The following ZFPM2 variants were observed in gnomAD, a reference collection of about 807,000 sequenced individuals.
The protein encoded by ZFPM2 is zinc finger protein, FOG family member 2, also known as zinc finger protein ZFPM2.
In ZFPM2, 20 loss-of-function variants were observed where a neutral mutation model predicts 98.6. The observed-to-expected ratio is 0.20, with a 90% CI of 0.14 to 0.29. The LOEUF (loss-of-function observed/expected upper bound fraction) is 0.29. Among genes scored for constraint, ZFPM2 ranks in the 10% least tolerant of loss-of-function variants. ZFPM2 has a pLI of 1.00. For missense variants in ZFPM2, 1,310 were observed against 1,388.6 expected (o/e 0.94, Z 0.90); for synonymous variants, 518 against 502.7 (o/e 1.03, Z -0.41).
In ZFPM2 at chr8:105,441,452, G is replaced by GAGAAAGAAAGAAAGAA. The variant is rs34216988; in HGVS notation, c.200-2794_200-2779dup. ...AGAAAGAAAGAGAGAGAGAGAGAGA[G>GAGAAAGAAAGAAAGAA]AGAAAGAAAGAAAGAAAGAAAGAAA... is the stretch of plus-strand genomic sequence containing the variant. On this transcript the variant is annotated intron_variant, in intron 2 of 7. Coordinates refer to ENST00000407775, the MANE Select transcript of ZFPM2 (RefSeq NM_012082.4). Among the ~76,000 whole-genome samples, 61 of 38,954 alleles carry GAGAAAGAAAGAAAGAA rather than the reference G, an allele frequency of 1.6e-3. 2 individuals are homozygous for GAGAAAGAAAGAAAGAA. The highest frequency in any genetic ancestry group is 3.1e-3 in the South Asian group (3 of 968). 25.6% of individuals were successfully genotyped at this position (38,954 alleles called of 152,430 possible).
chr8:105,665,635 A>G (rs2130894343), intron 5 of ZFPM2, among the ~76,000 whole-genome samples: 1 of 152,334 alleles, frequency 6.6e-6, no homozygotes, highest in Admixed American at 6.5e-5. Flanking sequence ...AACTCATTTT[A>G]GGTTTTGTTT....
chr8:105,680,339 T>C (rs1343439413), intron 5 of ZFPM2, among the ~76,000 whole-genome samples: 1 of 152,158 alleles, frequency 6.6e-6, no homozygotes, highest in Non-Finnish European at 1.5e-5. Context: ...ATGTAAACAG[T>C]GAAACAGAAG....
chr8:105,499,212 C>A (rs532008968), intron 3 of ZFPM2, among the ~76,000 whole-genome samples: 1 of 148,750 alleles, frequency 6.7e-6, no homozygotes, highest in Admixed American at 6.7e-5. Context: ...ACAATTCAGG[C>A]AATGCGACGT....
At chr8:105,752,357 A>C (rs1203087998) in intron 5 of ZFPM2, among the ~76,000 whole-genome samples, 1 of 152,150 alleles carries the variant, frequency 6.6e-6, no homozygotes, top group African/African-American at 2.4e-5. Flanking sequence ...TCTGCTCAGC[A>C]CAGACTTTCC....
In ZFPM2 at chr8:105,340,926, A is replaced by G. The variant is rs1254178434; in HGVS notation, c.40+21945A>G. Among the ~76,000 whole-genome samples, 5 of 151,946 alleles carry G rather than the reference A, an allele frequency of 3.3e-5. No individual in the cohort carries two copies. In the East Asian group the frequency reaches 5.8e-4, roughly 18 times the overall value. On this transcript the variant is annotated intron_variant, in intron 1 of 7. Transcript: ENST00000407775. Reference sequence around the variant, plus strand: ...CCTGACAATGATCTGTTAGACACAAATTTCCTAGACTTAATGCTGTTGATG... The same window carrying G: ...CCTGACAATGATCTGTTAGACACAAGTTTCCTAGACTTAATGCTGTTGATG...
intron 1 of ZFPM2, among the ~76,000 whole-genome samples, chr8:105,362,178 A>C (rs576874588): frequency 6.6e-6 from 1 of 152,238 alleles, no homozygotes; most frequent in Admixed American, 6.5e-5. Flanking sequence ...AGACTCAATT[A>C]TAACTTTCAA....
intron 5 of ZFPM2, among the ~76,000 whole-genome samples, chr8:105,721,497 T>C (rs1440352808): frequency 6.6e-6 from 1 of 151,958 alleles, no homozygotes; most frequent in Non-Finnish European, 1.5e-5. Flanking sequence ...ACAGATTATA[T>C]TAATATCAAA....
intron 2 of ZFPM2, among the ~76,000 whole-genome samples, chr8:105,438,092 A>T (rs969851880): frequency 6.6e-6 from 1 of 152,166 alleles, no homozygotes; most frequent in African/African-American, 2.4e-5. Context: ...GTTTCTAGTC[A>T]TGTAGCCTCA....
intron 1 of ZFPM2, among the ~76,000 whole-genome samples, chr8:105,341,452 T>A (rs924818552): frequency 1.3e-5 from 2 of 151,806 alleles, no homozygotes; most frequent in Non-Finnish European, 2.9e-5. Context: ...ACAATAACAT[T>A]AAAAATATAT....
At chr8:105,443,333 A>AAAAAAAAAAAAAC (rs1812304223) in intron 2 of ZFPM2, among the ~76,000 whole-genome samples, 1 of 151,022 alleles carries the variant, frequency 6.6e-6, no homozygotes. Context: ...AAACAAAAAA[A>AAAAAAAAAAAAAC]AAAAAACTTG....
intron 3 of ZFPM2, among the ~76,000 whole-genome samples, chr8:105,525,903 A>G (rs1814164752): frequency 6.6e-6 from 1 of 152,208 alleles, no homozygotes; most frequent in South Asian, 2.1e-4. Flanking sequence ...TGGTCAGTTT[A>G]CAATGGTATT....
intron 5 of ZFPM2, among the ~76,000 whole-genome samples, chr8:105,706,964 G>A (rs1416953312): frequency 6.6e-6 from 1 of 150,872 alleles, no homozygotes; most frequent in Non-Finnish European, 1.5e-5. Flanking sequence ...ATTTAGGCTG[G>A]GTGTGGTGGC....
Position 105,330,169 on chromosome 8 carries a change from A to AG in ZFPM2, c.40+11189dup, listed in dbSNP as rs577514464. On this transcript the variant is annotated intron_variant, in intron 1 of 7. Transcript: ENST00000407775. ...ACTGTGACAGAATTGGAATTTGGAC[A>AG]GCCTGCATTTGAATTTAGATTTAGG... Among the ~76,000 whole-genome samples, 581 of 151,746 alleles carry AG rather than the reference A, an allele frequency of 3.8e-3. 4 individuals are homozygous for AG. The highest frequency in any genetic ancestry group is 6.3e-3 in the Non-Finnish European group (427 of 67,724).
At position 105,360,545 on chromosome 8, in the gene ZFPM2, C is replaced by T. The variant is rs1386206746; in HGVS notation, c.40+41564C>T. On this transcript the variant is annotated intron_variant, in intron 1 of 7. Transcript: ENST00000407775. The stretch of plus-strand genomic sequence containing the variant: ...TGTGCAAGTTAGTTACGTATGTATA[C>T]GTGTGCCATGCTGGTGCGCTGCACC... Among the ~76,000 whole-genome samples, 7 of 152,090 alleles carry T rather than the reference C, an allele frequency of 4.6e-5. No individual in the cohort carries two copies. In the East Asian group the frequency reaches 5.8e-4, roughly 13 times the overall value.
At chr8:105,569,108 A>G (rs1815302338) in intron 4 of ZFPM2, among the ~76,000 whole-genome samples, 1 of 152,002 alleles carries the variant, frequency 6.6e-6, no homozygotes, top group South Asian at 2.1e-4. Context: ...CTCTTGGAGT[A>G]TTTCCCTGGT....
At chr8:105,489,383 TATAG>T (rs1444068216) in intron 3 of ZFPM2, among the ~76,000 whole-genome samples, 1 of 147,460 alleles carries the variant, frequency 6.8e-6, no homozygotes, top group Non-Finnish European at 1.5e-5. Context: ...TTTATATATT[TATAG>T]ATATATATTT....
chr8:105,361,469 T>G (rs561507910), intron 1 of ZFPM2, among the ~76,000 whole-genome samples: 1 of 151,726 alleles, frequency 6.6e-6, no homozygotes, highest in African/African-American at 2.4e-5. Flanking sequence ...AGAAGCTCTT[T>G]AGTTTAATTA....
At chr8:105,539,388 A>T (rs777072660) in intron 3 of ZFPM2, among the ~76,000 whole-genome samples, 4 of 152,222 alleles carry the variant, frequency 2.6e-5, no homozygotes, top group African/African-American at 9.6e-5. Context: ...TATCGGGTCC[A>T]TCTAATCTAT....
chr8:105,439,802 T>C (rs1442482417), intron 2 of ZFPM2, among the ~76,000 whole-genome samples: 1 of 152,206 alleles, frequency 6.6e-6, no homozygotes, highest in Non-Finnish European at 1.5e-5. Context: ...TTCTCTATTC[T>C]TTACCATTGG....
Sources: gnomAD v4.1 joint callset for allele counts (sites outside exome capture counted in the v4.1 genomes callset) on GRCh38, gnomAD v4.1.1 for gene constraint, MANE v1.5 for transcripts, NCBI Gene and HGNC (gene_info 2026-07-23, HGNC 2026-07-21) for gene names.